MGAT4C: variants seen among roughly 807,000 people sequenced by gnomAD.
MGAT4C encodes the protein MGAT4 family member C.
A neutral mutation model predicts 40.1 loss-of-function variants in MGAT4C; 19 were observed. The observed-to-expected ratio is 0.47, with a 90% confidence interval of 0.33 to 0.70. MGAT4C has a LOEUF of 0.70. Ranked by LOEUF, MGAT4C falls within the 30% of genes least tolerant of loss-of-function variation. MGAT4C has a pLI of 0.02. For missense variants in MGAT4C, 491 were observed against 563.2 expected (o/e 0.87, Z 1.30); for synonymous variants, 181 against 187.1 (o/e 0.97, Z 0.27).
chr12:86,615,324 A>G (rs554650534), intron 2 of MGAT4C, among the ~76,000 whole-genome samples: 1 of 152,218 alleles, frequency 6.6e-6, no homozygotes, highest in Non-Finnish European at 1.5e-5. Flanking sequence ...ATATTAAAGC[A>G]GTTTACTGTA....
At chr12:86,395,508 TG>T (rs898543346) in intron 3 of MGAT4C, among the ~76,000 whole-genome samples, 12 of 152,088 alleles carry the variant, frequency 7.9e-5, no homozygotes, top group African/African-American at 2.9e-4. Context: ...AAGAGAAAAA[TG>T]AGGTGAGTTA....
At chr12:86,675,531 T>C (rs1196793293) in intron 2 of MGAT4C, among the ~76,000 whole-genome samples, 1 of 152,190 alleles carries the variant, frequency 6.6e-6, no homozygotes, top group Non-Finnish European at 1.5e-5. Context: ...GTCTGTTTTT[T>C]CAACTGTAAA....
rs542559845 is a variant in MGAT4C, at chr12:86,767,919, G to A, written c.-261-40678C>T. ...ACCCACAGCCAATATCATATTGAATGGGCAAAAACTGGAAGCATTCCCTTT... is the reference window on the plus strand; with the variant it reads ...ACCCACAGCCAATATCATATTGAATAGGCAAAAACTGGAAGCATTCCCTTT... On this transcript the variant is annotated intron_variant, in intron 1 of 7. Coordinates refer to the MGAT4C transcript ENST00000548651. Among the ~76,000 whole-genome samples, 3 of 152,240 alleles carry A rather than the reference G, an allele frequency of 2.0e-5. No individual in the cohort carries two copies. In the South Asian group the frequency reaches 6.2e-4, roughly 32 times the overall value.
Position 86,093,772 on chromosome 12 carries a change from A to ACAACAC in MGAT4C, c.-56-44050_-56-44049insGTGTTG, listed in dbSNP as rs1048743521. ...AACAACAACAACAACAACAACAACAACACCTACAAGGCCCTTTTAAATTAC... is the reference window on the plus strand; with the variant it reads ...AACAACAACAACAACAACAACAACAACAACACCACCTACAAGGCCCTTTTAAATTAC... On this transcript the variant is annotated intron_variant, in intron 1 of 4. Transcript: ENST00000611864. Among the ~76,000 whole-genome samples the ACAACAC allele has an allele frequency of 8.9e-4, 113 of 127,474 alleles. 2 individuals carry two copies. Among genetic ancestry groups the ACAACAC allele is most frequent in the African/African-American group, 1.7e-4 (6 of 35,394 alleles). 83.6% of individuals were successfully genotyped at this position (127,474 alleles called of 152,430 possible).
intron 2 of MGAT4C, among the ~76,000 whole-genome samples, chr12:86,531,606 T>G (rs1958985351): frequency 6.6e-6 from 1 of 151,962 alleles, no homozygotes; most frequent in Non-Finnish European, 1.5e-5. Context: ...TGAAGCCACT[T>G]TTTTTCAGAC....
chr12:86,178,228 G>A lies in MGAT4C; in HGVS notation c.-57+78011C>T, dbSNP rs118124538. Among the ~76,000 whole-genome samples the A allele has an allele frequency of 2.3e-3, 355 of 152,196 alleles. 5 individuals carry two copies. Among genetic ancestry groups the A allele is most frequent in the Non-Finnish European group, 4.2e-3 (288 of 68,010 alleles). On this transcript the variant is annotated intron_variant, in intron 1 of 4. Transcript: ENST00000611864. ...TGGGATTACAGGCATGAGCTACTGC[G>A]CCTGGCTGATTTTACTTATTATTGA...
intron 2 of MGAT4C, among the ~76,000 whole-genome samples, chr12:86,608,842 A>G (rs1351928332): frequency 6.6e-6 from 1 of 152,160 alleles, no homozygotes; most frequent in East Asian, 1.9e-4. Flanking sequence ...AATATTATAC[A>G]TAGTGTTAGA....
At chr12:86,676,381 T>A (rs781061494) in intron 2 of MGAT4C, among the ~76,000 whole-genome samples, 1 of 152,182 alleles carries the variant, frequency 6.6e-6, no homozygotes, top group Non-Finnish European at 1.5e-5. Context: ...CTTTATTTCC[T>A]GCCAAGGATT....
At chr12:86,075,097 C>G (rs1011430048) in intron 1 of MGAT4C, among the ~76,000 whole-genome samples, 6 of 152,156 alleles carry the variant, frequency 3.9e-5, no homozygotes, top group African/African-American at 1.2e-4. Context: ...AAAGTCTTAT[C>G]TGAGATAAGG....
intron 1 of MGAT4C, among the ~76,000 whole-genome samples, chr12:86,195,884 T>G (rs550641797): frequency 6.6e-6 from 1 of 152,310 alleles, no homozygotes; most frequent in Admixed American, 6.5e-5. Flanking sequence ...TCTACCTAGA[T>G]GCAAATCTTT....
intron 1 of MGAT4C, among the ~76,000 whole-genome samples, chr12:86,082,332 G>A (rs1870987109): frequency 6.6e-6 from 1 of 152,082 alleles, no homozygotes; most frequent in Non-Finnish European, 1.5e-5. Flanking sequence ...AAATCTTACG[G>A]TTCTTTTTAG....
intron 4 of MGAT4C, among the ~76,000 whole-genome samples, chr12:86,319,013 C>A (rs2136159209): frequency 6.6e-6 from 1 of 152,202 alleles, no homozygotes; most frequent in South Asian, 2.1e-4. Flanking sequence ...ATCTATCACC[C>A]AAGCTCTATT....
chr12:86,607,667 A>C (rs1273969230), intron 2 of MGAT4C, among the ~76,000 whole-genome samples: 1 of 152,166 alleles, frequency 6.6e-6, no homozygotes, highest in African/African-American at 2.4e-5. Flanking sequence ...AATACATTTT[A>C]AAAAGGTGAA....
chr12:86,044,712 C>T (rs1215160117), intron 2 of MGAT4C, among the ~76,000 whole-genome samples: 2 of 151,934 alleles, frequency 1.3e-5, no homozygotes, highest in African/African-American at 4.8e-5. Flanking sequence ...TGATGTGGGC[C>T]CCTGGGAAGC....
intron 2 of MGAT4C, among the ~76,000 whole-genome samples, chr12:86,038,971 T>TC (rs200525313): frequency 0.025 from 3,726 of 149,530 alleles, 222 homozygotes; most frequent in African/African-American, 0.085. Flanking sequence ...CAAAAGGTTT[T>TC]TTTTCTCCTT....
intron 2 of MGAT4C, among the ~76,000 whole-genome samples, chr12:86,697,721 A>C (rs1292680266): frequency 6.6e-6 from 1 of 152,106 alleles, no homozygotes; most frequent in African/African-American, 2.4e-5. Context: ...CACAATGACA[A>C]CTGCAATAAT....
rs981919415 is a variant in MGAT4C, at chr12:85,959,118, C to G, written c.*20171G>C. On this transcript the variant is annotated 3_prime_UTR_variant, in exon 5 of 5. Coordinates refer to ENST00000611864, the MANE Select transcript of MGAT4C (RefSeq NM_001351288.2). Reference sequence around the variant, plus strand: ...GACTCAGCATCCAAACTTTATTTTACCTTCAAGTTCTACCTGATAAAGTGG... The same window carrying G: ...GACTCAGCATCCAAACTTTATTTTAGCTTCAAGTTCTACCTGATAAAGTGG... The G allele has an allele frequency of 9.9e-5, 15 of 151,646 alleles. No homozygotes were observed. The highest frequency in any genetic ancestry group is 3.6e-4 in the African/African-American group (15 of 41,326). 9.4% of individuals were successfully genotyped at this position (151,646 alleles called of 1,614,324 possible).
intron 1 of MGAT4C, among the ~76,000 whole-genome samples, chr12:86,796,143 G>GTT (rs34706902): frequency 0.099 from 14,216 of 143,438 alleles, 911 homozygotes; most frequent in Non-Finnish European, 0.14. Context: ...TCTGTGACTT[G>GTT]TTTTTTTTTT....
intron 2 of MGAT4C, among the ~76,000 whole-genome samples, chr12:86,625,710 G>A (rs1483835577): frequency 6.6e-6 from 1 of 152,006 alleles, no homozygotes; most frequent in Non-Finnish European, 1.5e-5. Context: ...AAGTTAATAT[G>A]TATTTTATAA....
Sources: allele counts gnomAD v4.1 joint callset (sites outside exome capture counted in the v4.1 genomes callset), GRCh38; gene constraint gnomAD v4.1.1; transcripts MANE v1.5; gene names NCBI Gene and HGNC (gene_info 2026-07-23, HGNC 2026-07-21).